The following RHOT2 variants were observed in gnomAD, a reference collection of about 807,000 sequenced individuals.
The protein encoded by RHOT2 is mitochondrial Rho GTPase 2.
A neutral mutation model predicts 81.6 loss-of-function variants in RHOT2; 90 were observed. The observed-to-expected ratio is 1.10, with a 90% CI of 0.93 to 1.31. The LOEUF is 1.31. Ranked by LOEUF, RHOT2 falls within the 40% of genes most tolerant of loss-of-function variation. The probability of loss-of-function intolerance (pLI) is 0.00; values close to 1 mark genes in which losing one functional copy is unlikely to be tolerated. For missense variants in RHOT2, 1,014 were observed against 841.9 expected (o/e 1.20, Z -2.53); for synonymous variants, 512 against 370.9 (o/e 1.38, Z -4.37).
Position 672,958 on chromosome 16 carries a change from C to CT in RHOT2, c.1559dup (p.Phe521LeufsTer174). The CT allele has an allele frequency of 1.2e-6, 2 of 1,612,850 alleles. No homozygotes were observed. Among genetic ancestry groups the CT allele is most frequent in the Non-Finnish European group, 1.7e-6 (2 of 1,180,004 alleles). On this transcript the variant is annotated frameshift_variant, in exon 18 of 19. Transcript: ENST00000315082. LOFTEE classifies it high-confidence loss of function. ...TTACATGGACGGGCAGACCCCCTGCCTCTTTGTCTCCTCCAAGGCCGACCT... is the reference window on the plus strand; with the variant it reads ...TTACATGGACGGGCAGACCCCCTGCCTTCTTTGTCTCCTCCAAGGCCGACCT...
chr16:670,716 G>T lies in RHOT2; in HGVS notation c.582G>T (p.Arg194Ser), dbSNP rs2038778688. The T allele has an allele frequency of 6.2e-7, 1 of 1,612,412 alleles. No individual in the cohort carries two copies. The highest frequency in any genetic ancestry group is 8.5e-7 in the Non-Finnish European group (1 of 1,179,934). ...CCCAGGCGCTGACGCGCATCTTCAG[G>T]CTCTCAGATCAGGACCTGGACCAGG... The part of the protein sequence containing the change: ...ACAQALTRIF[R>S]LSDQDLDQAL... The change falls in exon 9 of 19, where the codon AGG (arginine) becomes AGT (serine). Residue 194 changes from arginine (R) to serine (S), a missense_variant. Transcript: ENST00000315082.
At chr16:671,664 C>T in intron 11 of RHOT2, 33 bp from the exon 12 acceptor site, 1 of 1,600,500 alleles carries the variant, frequency 6.2e-7, no homozygotes, top group South Asian at 1.1e-5. Context: ...GCAGAGTCTC[C>T]TGGGAGCTAG....
chr16:673,628 C>G lies in RHOT2; in HGVS notation c.*22C>G. 1.9e-6 allele frequency: 3 copies of G among 1,595,130 alleles called. No homozygotes were observed. The highest frequency in any genetic ancestry group is 2.6e-6 in the Non-Finnish European group (3 of 1,172,960). Reference sequence around the variant, plus strand: ...GTGAGGCCCCTGGTACCCAAGCCCCCTCCCCTGACCTGGGTGTGCCTCGCT... The same window carrying G: ...GTGAGGCCCCTGGTACCCAAGCCCCGTCCCCTGACCTGGGTGTGCCTCGCT... On this transcript the variant is annotated 3_prime_UTR_variant, in exon 19 of 19. Transcript: ENST00000315082.
At position 670,330 on chromosome 16, in the gene RHOT2, G is replaced by A. The variant is rs780979433; in HGVS notation, c.411G>A (p.Gln137=). The change falls in exon 7 of 19, where the codon CAG becomes CAA. Residue 137 remains glutamine (Q), a synonymous_variant. Coordinates refer to ENST00000315082, the MANE Select transcript of RHOT2 (RefSeq NM_138769.3). ...AGGCCGTGCTCCCCATCATGAGCCA[G>A]TTTCCCGAGATTGAGACCTGCGTGG... is the stretch of plus-strand genomic sequence containing the variant. ...SMEAVLPIMS[Q]FPEIETCVEC... 7 of 1,612,878 alleles carry A rather than the reference G, an allele frequency of 4.3e-6. No homozygotes were observed. In the Admixed American group the frequency reaches 8.3e-5, roughly 19 times the overall value.
rs561708633 is a variant in RHOT2, at chr16:672,873, C to G, written c.1527+48C>G. 6.2e-5 allele frequency: 100 copies of G among 1,612,558 alleles called. 1 individual carries two copies. In the South Asian group the frequency reaches 1.0e-3, roughly 16 times the overall value. ...TGGCCATGGGGCAGGGTCTGTCCCT[C>G]CAGCTGTGCCTCGGCCACCCCAGGA... is the stretch of plus-strand genomic sequence containing the variant. On this transcript the variant is annotated intron_variant, in intron 17 of 18. Coordinates refer to ENST00000315082, the MANE Select transcript of RHOT2 (RefSeq NM_138769.3).
intron 4 of RHOT2, 44 bp from the exon 5 acceptor site, chr16:669,509 G>A: frequency 6.2e-7 from 1 of 1,603,086 alleles, no homozygotes; most frequent in Non-Finnish European, 8.5e-7. Context: ...CGTCGGTGGT[G>A]AGCCAGCAGC....
In RHOT2 at chr16:672,242, C is replaced by T. The variant is rs375119156; in HGVS notation, c.1196-12C>T. 5 of 1,611,560 alleles carry T rather than the reference C, an allele frequency of 3.1e-6. No individual in the cohort carries two copies. Among genetic ancestry groups the T allele is most frequent in the Non-Finnish European group, 3.4e-6 (4 of 1,179,132 alleles). On this transcript the variant is annotated splice_polypyrimidine_tract_variant and intron_variant, in intron 14 of 18. Transcript: ENST00000315082. ...TCCTGGCAGCTGCCCTAACCCGTGT[C>T]TATCCTCACAGTCACTCGTGAGAAG...
In RHOT2 at chr16:671,118, G is replaced by T. The variant is rs138574714; in HGVS notation, c.784G>T (p.Gly262Cys). ...CCTGAACACGCTCTTCATCCAGCGC[G>T]GCCGGCACGAGACCACCTGGACCAT... Reference protein sequence around the residue: ...LFLNTLFIQRGRHETTWTILR... With the variant: ...LFLNTLFIQRCRHETTWTILR... Residue 262 changes from glycine (G) to cysteine (C), a missense_variant, in exon 11 of 19, where the codon GGC becomes TGC. Coordinates refer to ENST00000315082, the MANE Select transcript of RHOT2 (RefSeq NM_138769.3). 6 of 1,608,448 alleles carry T rather than the reference G, an allele frequency of 3.7e-6. No individual in the cohort carries two copies. In the East Asian group the frequency reaches 1.3e-4, roughly 36 times the overall value.
In RHOT2 at chr16:668,414, A is replaced by G. The variant is rs2038281494; in HGVS notation, c.96+3A>G. 2.0e-6 allele frequency: 3 copies of G among 1,519,248 alleles called. No homozygotes were observed. The highest frequency in any genetic ancestry group is 4.9e-5 in the East Asian group (2 of 40,970). 94.1% of individuals were successfully genotyped at this position (1,519,248 alleles called of 1,614,324 possible). On this transcript the variant is annotated splice_donor_region_variant and intron_variant, in intron 2 of 18. Coordinates refer to ENST00000315082, the MANE Select transcript of RHOT2 (RefSeq NM_138769.3). ...TGGGCGAGGAGTTCCCCGAGGAGGT[A>G]AGGGGCACGCCCGCCGCGGGGGTGG...
At position 673,103 on chromosome 16, in the gene RHOT2, C is replaced by T. The variant is rs1255280749; in HGVS notation, c.1703C>T (p.Thr568Ile). 5.6e-6 allele frequency: 9 copies of T among 1,611,394 alleles called. No homozygotes were observed. Among genetic ancestry groups the T allele is most frequent in the Admixed American group, 1.7e-5 (1 of 60,004 alleles). Reference sequence around the variant, plus strand: ...GCCGAGCCCAGCACCACCATCTTCACCCAGCTCGCCACCATGGCCGCCTTC... The same window carrying T: ...GCCGAGCCCAGCACCACCATCTTCATCCAGCTCGCCACCATGGCCGCCTTC... ...GPAEPSTTIF[T>I]QLATMAAFPH... is the part of the protein sequence containing the mutation. The change falls in exon 18 of 19, where the codon ACC (threonine) becomes ATC (isoleucine). Residue 568 changes from threonine to isoleucine, a missense_variant. Thr to Ile is a moderately conservative substitution (Grantham distance 89, BLOSUM62 -1). Coordinates refer to ENST00000315082, the MANE Select transcript of RHOT2 (RefSeq NM_138769.3).
At position 672,918 on chromosome 16, in the gene RHOT2, C is replaced by T. The variant is rs762694671; in HGVS notation, c.1528-10C>T. ...CCAGGACTGTACCTCATACCACTCTCTGCCCACAGCACCATTACATGGACG... is the reference window on the plus strand; with the variant it reads ...CCAGGACTGTACCTCATACCACTCTTTGCCCACAGCACCATTACATGGACG... On this transcript the variant is annotated splice_polypyrimidine_tract_variant and intron_variant, in intron 17 of 18. Coordinates refer to ENST00000315082, the MANE Select transcript of RHOT2 (RefSeq NM_138769.3). 6 of 1,612,690 alleles carry T rather than the reference C, an allele frequency of 3.7e-6. No homozygotes were observed. Among genetic ancestry groups the T allele is most frequent in the South Asian group, 3.3e-5 (3 of 91,092 alleles).
chr16:673,170 CTG>C (rs745407502), intron 18 of RHOT2, 40 bp downstream of exon 18: 11 of 1,591,714 alleles, frequency 6.9e-6, no homozygotes, highest in Non-Finnish European at 1.7e-6. Flanking sequence ...CTAGCAGTGT[CTG>C]TCATCCGAGC....
In RHOT2 at chr16:670,152, T is replaced by C. The variant is rs3752487; in HGVS notation, c.306T>C (p.Asn102=). 0.11 allele frequency: 167,283 copies of C among 1,590,686 alleles called. 10,424 individuals are homozygous for C. The highest frequency in any genetic ancestry group is 0.28 in the East Asian group (12,293 of 44,518). Residue 102 remains asparagine (N), a synonymous_variant, in exon 6 of 19, where the codon AAT becomes AAC. Transcript: ENST00000315082. The part of the protein sequence containing the change: ...KIRTKWIPLV[N]GGTTQGPRVP... The stretch of plus-strand genomic sequence containing the variant: ...GAACTAAGTGGATCCCACTGGTGAA[T>C]GGGGGGACCACGCAGGGGCCCAGGT...
intron 11 of RHOT2, 144 bp from the exon 12 acceptor site, chr16:671,553 G>C: frequency 1.1e-6 from 1 of 903,130 alleles, no homozygotes; most frequent in South Asian, 1.7e-5. Flanking sequence ...CCCTATCGCA[G>C]CTGCAAGGTC....
Position 673,633 on chromosome 16 carries a change from C to G in RHOT2, c.*27C>G, listed in dbSNP as rs773546511. ...GCCCCTGGTACCCAAGCCCCCTCCC[C>G]TGACCTGGGTGTGCCTCGCTGCTGG... On this transcript the variant is annotated 3_prime_UTR_variant, in exon 19 of 19. Transcript: ENST00000315082. 113 of 1,594,628 alleles carry G rather than the reference C, an allele frequency of 7.1e-5. No homozygotes were observed. Among genetic ancestry groups the G allele is most frequent in the Non-Finnish European group, 9.2e-5 (108 of 1,172,742 alleles).
Position 671,906 on chromosome 16 carries a change from G to T in RHOT2, c.1001G>T (p.Ser334Ile), listed in dbSNP as rs768577584. The change falls in exon 13 of 19, where the codon AGT (serine) becomes ATT (isoleucine). Residue 334 changes from serine to isoleucine, a missense_variant. Physicochemically the swap from Ser to Ile is moderately radical, Grantham distance 142. Transcript: ENST00000315082. ...CCCGTGGAGCTGCAAAGCCTTTTCA[G>T]TGTGTTCCCAGCAGCGCCCTGGGGC... is the stretch of plus-strand genomic sequence containing the variant. The part of the protein sequence containing the change: ...LSPVELQSLF[S>I]VFPAAPWGPE... The T allele has an allele frequency of 1.5e-5, 24 of 1,606,888 alleles. No homozygotes were observed. The highest frequency in any genetic ancestry group is 1.7e-4 in the Middle Eastern group (1 of 6,056).
intron 12 of RHOT2, 33 bp downstream of exon 12, chr16:671,814 C>T (rs1381314718): frequency 6.2e-7 from 1 of 1,603,702 alleles, no homozygotes; most frequent in Non-Finnish European, 8.5e-7. Context: ...GCCCCTGCCC[C>T]CGCCCCCTCC....
chr16:672,662 C>G (rs764527041), intron 16 of RHOT2, 41 bp from the exon 17 acceptor site: 34 of 1,611,112 alleles, frequency 2.1e-5, no homozygotes, highest in Non-Finnish European at 1.7e-5. Context: ...CTAGGGGGAC[C>G]GAGCCCCAGG....
chr16:670,014 A>C (rs62032481), intron 5 of RHOT2, 109 bp from the exon 6 acceptor site: 15,319 of 1,025,834 alleles, frequency 0.015, 199 homozygotes, highest in South Asian at 0.043. Context: ...TTGGGCCCTC[A>C]GTGGGCCTTG....
Sources: allele counts gnomAD v4.1 joint callset, GRCh38; gene constraint gnomAD v4.1.1; transcripts MANE v1.5; gene names NCBI Gene and HGNC (gene_info 2026-07-23, HGNC 2026-07-21).